Variants in UNC5D observed in about 807,000 individuals in gnomAD.
UNC5D encodes unc-5 netrin receptor D.
Under a neutral mutation model 105.4 loss-of-function variants are expected in UNC5D, and 39 were observed. That is an observed-to-expected ratio of 0.37 (90% CI 0.29 to 0.48). The LOEUF is 0.48. Ranked by LOEUF, UNC5D falls within the 20% of genes least tolerant of loss-of-function variation. The pLI, the probability that UNC5D is intolerant of heterozygous loss-of-function variation, is 0.98. For missense variants in UNC5D, 991 were observed against 1,202.4 expected (o/e 0.82, Z 2.60); for synonymous variants, 452 against 450.4 (o/e 1.00, Z -0.04).
chr8:35,624,813 A>G (rs2131046283), intron 4 of UNC5D, among the ~76,000 whole-genome samples: 1 of 152,258 alleles, frequency 6.6e-6, no homozygotes, highest in East Asian at 1.9e-4. Context: ...AAATTAACAA[A>G]TTGCTGTGCT....
chr8:35,663,746 C>T (rs1586367575), intron 4 of UNC5D, among the ~76,000 whole-genome samples: 1 of 152,102 alleles, frequency 6.6e-6, no homozygotes, highest in South Asian at 2.1e-4. Context: ...ACAAAATGCC[C>T]CCATATCTAT....
At chr8:35,503,933 C>A (rs900838606) in intron 1 of UNC5D, among the ~76,000 whole-genome samples, 7 of 152,182 alleles carry the variant, frequency 4.6e-5, no homozygotes, top group Non-Finnish European at 8.8e-5. Flanking sequence ...TTAAAATATA[C>A]GACTTAAACT....
At chr8:35,264,003 T>C (rs1804661573) in intron 1 of UNC5D, among the ~76,000 whole-genome samples, 3 of 152,246 alleles carry the variant, frequency 2.0e-5, no homozygotes. Flanking sequence ...AATACATTTC[T>C]TAGAAAAGAA....
intron 1 of UNC5D, among the ~76,000 whole-genome samples, chr8:35,459,669 T>C (rs999014607): frequency 2.6e-5 from 4 of 152,186 alleles, no homozygotes; most frequent in African/African-American, 9.7e-5. Context: ...ATTCATCAGA[T>C]TAGGTGAAGG....
At chr8:35,559,260 A>G (rs960410639) in intron 2 of UNC5D, among the ~76,000 whole-genome samples, 7 of 152,172 alleles carry the variant, frequency 4.6e-5, no homozygotes, top group African/African-American at 1.7e-4. Flanking sequence ...ACCAAAACCT[A>G]GTTAGCTGGT....
intron 1 of UNC5D, among the ~76,000 whole-genome samples, chr8:35,355,778 A>G (rs1801517912): frequency 6.6e-6 from 1 of 152,106 alleles, no homozygotes; most frequent in Non-Finnish European, 1.5e-5. Context: ...GTCATGAGTG[A>G]CCTTATAAAA....
intron 1 of UNC5D, among the ~76,000 whole-genome samples, chr8:35,385,462 CTTTTTT>C (rs33929902): frequency 1.2e-5 from 1 of 84,612 alleles, no homozygotes; most frequent in Non-Finnish European, 2.4e-5. Context: ...CTACCTACCT[CTTTTTT>C]TTTTTTTTTT....
chr8:35,305,629 T>TTCTTTCTTTTGCTTTC (rs1808328890), intron 1 of UNC5D, among the ~76,000 whole-genome samples: 1 of 129,434 alleles, frequency 7.7e-6, no homozygotes, highest in Admixed American at 7.8e-5. Context: ...TTCTTTTTCT[T>TTCTTTCTTTTGCTTTC]TCTCTCTCTC....
rs1469453730 is a variant in UNC5D, at chr8:35,785,509, G to A, written c.2658-4850G>A. On this transcript the variant is annotated intron_variant, in intron 16 of 16. Transcript: ENST00000404895. Reference sequence around the variant, plus strand: ...CAAGTAGCTGGGAGTACAGGCACATGCCACCATGCCTAGCTAATTTTTATA... The same window carrying A: ...CAAGTAGCTGGGAGTACAGGCACATACCACCATGCCTAGCTAATTTTTATA... Among the ~76,000 whole-genome samples the A allele has an allele frequency of 2.0e-5, 3 of 152,082 alleles. No homozygotes were observed. In the East Asian group the frequency reaches 5.8e-4, roughly 29 times the overall value.
intron 1 of UNC5D, among the ~76,000 whole-genome samples, chr8:35,506,718 T>G (rs1250279555): frequency 6.6e-6 from 1 of 152,152 alleles, no homozygotes; most frequent in African/African-American, 2.4e-5. Flanking sequence ...GAGCACTGAT[T>G]GAATACTTTT....
intron 1 of UNC5D, among the ~76,000 whole-genome samples, chr8:35,442,885 TTCTC>T (rs150886923): frequency 6.5e-4 from 88 of 135,640 alleles, no homozygotes; most frequent in Admixed American, 2.1e-3. Context: ...CTCTCTCTGT[TTCTC>T]TCTCTCTCTC....
intron 11 of UNC5D, among the ~76,000 whole-genome samples, chr8:35,734,782 A>ATTTTTTT (rs1171276656): frequency 0.012 from 1,465 of 126,592 alleles, 70 homozygotes; most frequent in African/African-American, 0.044. Context: ...CACACTTTAA[A>ATTTTTTT]TTTTTTTTTT....
chr8:35,508,410 A>C (rs563535531), intron 1 of UNC5D, among the ~76,000 whole-genome samples: 10 of 152,170 alleles, frequency 6.6e-5, no homozygotes, highest in African/African-American at 2.2e-4. Flanking sequence ...TCTTTATGAG[A>C]GATCACTGGG....
At chr8:35,664,752 A>G (rs552612782) in intron 4 of UNC5D, among the ~76,000 whole-genome samples, 1 of 152,270 alleles carries the variant, frequency 6.6e-6, no homozygotes, top group African/African-American at 2.4e-5. Flanking sequence ...GACCTTGAAG[A>G]TCTGGACCCA....
chr8:35,728,336 C>T (rs1829003451), intron 10 of UNC5D, among the ~76,000 whole-genome samples: 1 of 151,900 alleles, frequency 6.6e-6, no homozygotes. Context: ...ATGACCAACC[C>T]GTTCATTGGC....
At chr8:35,451,481 A>T (rs1481355699) in intron 1 of UNC5D, among the ~76,000 whole-genome samples, 2 of 152,160 alleles carry the variant, frequency 1.3e-5, no homozygotes, top group Non-Finnish European at 2.9e-5. Flanking sequence ...AGTGGTGGGC[A>T]TTGTTATCCC....
At chr8:35,337,431 G>A (rs1014045658) in intron 1 of UNC5D, among the ~76,000 whole-genome samples, 3 of 152,162 alleles carry the variant, frequency 2.0e-5, no homozygotes, top group Admixed American at 2.0e-4. Flanking sequence ...ACATAAAAAA[G>A]TAATGTTGGA....
At chr8:35,269,868 T>A (rs1528723) in intron 1 of UNC5D, among the ~76,000 whole-genome samples, 134,539 of 152,150 alleles carry the variant, frequency 0.88, 59,604 homozygotes, top group East Asian at 1. Context: ...AACTCAGGTC[T>A]GTGACTCTGA....
rs1224401158 is a variant in UNC5D, at chr8:35,249,105, T to A, written c.103+13218T>A. On this transcript the variant is annotated intron_variant, in intron 1 of 16. Coordinates refer to ENST00000404895, the MANE Select transcript of UNC5D (RefSeq NM_080872.4). ...AAGTTATATATAATATATAAAAAAA[T>A]ATATATATTATATATATAAAATTAT... Among the ~76,000 whole-genome samples the A allele has an allele frequency of 3.8e-4, 46 of 120,040 alleles. 1 individual carries two copies. The highest frequency in any genetic ancestry group is 9.6e-4 in the African/African-American group (27 of 28,144). The allele number at this position is 120,040 out of a possible 152,430, so 78.8% of individuals were successfully genotyped here. A position where few individuals can be genotyped will look rare whatever the true frequency, so the allele number is the denominator to read the frequency against.
Sources: gnomAD v4.1 joint callset for allele counts (sites outside exome capture counted in the v4.1 genomes callset) on GRCh38, gnomAD v4.1.1 for gene constraint, MANE v1.5 for transcripts, NCBI Gene and HGNC (gene_info 2026-07-23, HGNC 2026-07-21) for gene names.